The following MICAL2 variants were observed in gnomAD, a reference collection of about 807,000 sequenced individuals.
MICAL2 encodes the protein microtubule associated monooxygenase, calponin and LIM domain containing 2, also known as [F-actin]-monooxygenase MICAL2.
Under a neutral mutation model 127.3 loss-of-function variants are expected in MICAL2, and 77 were observed. That is an observed-to-expected ratio of 0.60 (90% CI 0.50 to 0.73). The LOEUF (loss-of-function observed/expected upper bound fraction) is 0.73, where lower values mean the gene tolerates loss of function less well. Among genes scored for constraint, MICAL2 ranks in the 30% least tolerant of loss-of-function variants. The probability of loss-of-function intolerance (pLI) is 0.00; values close to 1 mark genes in which losing one functional copy is unlikely to be tolerated. For synonymous variants in MICAL2, 570 were observed against 551.1 expected (o/e 1.03, Z -0.48); for missense variants, 1,351 against 1,434.4 (o/e 0.94, Z 0.94).
intron 26 of MICAL2, chr11:12,260,243 C>T (rs908067479): frequency 6.9e-7 from 1 of 1,441,586 alleles, no homozygotes; most frequent in Non-Finnish European, 9.1e-7. Context: ...TTGCAGTTTG[C>T]TCAGGCTCTG....
intron 10 of MICAL2, among the ~76,000 whole-genome samples, chr11:12,222,241 G>T (rs942495776): frequency 1.3e-5 from 2 of 152,154 alleles, no homozygotes; most frequent in Admixed American, 1.3e-4. Flanking sequence ...CAGGGCTGGC[G>T]GGCGGAGGCA....
intron 33 of MICAL2, chr11:12,354,717 G>T: frequency 7.4e-7 from 1 of 1,352,190 alleles, no homozygotes; most frequent in Admixed American, 1.8e-5. Flanking sequence ...ACTCTCAATG[G>T]GCTTATTCAT....
chr11:12,244,801 T>C (rs1452227607), intron 21 of MICAL2, among the ~76,000 whole-genome samples: 1 of 152,174 alleles, frequency 6.6e-6, no homozygotes, highest in Non-Finnish European at 1.5e-5. Flanking sequence ...TGACTTGAAC[T>C]TGGGGATAAA....
At chr11:12,273,719 C>A (rs555004263), upstream of MICAL2, among the ~76,000 whole-genome samples, 1 of 152,138 alleles carries the variant, frequency 6.6e-6, no homozygotes, top group African/African-American at 2.4e-5. Flanking sequence ...CATGGAGAAC[C>A]CAGGTGTTTA....
At chr11:12,252,042 G>A (rs1489573027) in intron 22 of MICAL2, among the ~76,000 whole-genome samples, 2 of 152,206 alleles carry the variant, frequency 1.3e-5, no homozygotes, top group Non-Finnish European at 2.9e-5. Flanking sequence ...TGCCAGTGGA[G>A]GCAGTCACAC....
At chr11:12,256,409 T>C (rs1862327660) in intron 23 of MICAL2, 1 of 171,536 alleles carries the variant, frequency 5.8e-6, no homozygotes, top group African/African-American at 2.4e-5. Context: ...CAGAACCAGG[T>C]GACACTTAAT....
In MICAL2 at chr11:12,306,943, G is replaced by A. The variant is rs1360474874; in HGVS notation, c.5212+12086G>A. Among the ~76,000 whole-genome samples the A allele has an allele frequency of 3.3e-5, 5 of 152,280 alleles. No individual in the cohort carries two copies. In the South Asian group the frequency reaches 8.3e-4, roughly 25 times the overall value. ...ATTAATGTACAGGTCTCTGTGTAGA[G>A]ACATGTTTCCATTTGCCTTAGCCAA... On this transcript the variant is annotated intron_variant, in intron 29 of 34. Coordinates refer to the MICAL2 transcript ENST00000646065.
At chr11:12,213,216 C>T (rs774487841) in intron 6 of MICAL2, 39 bp from the exon 7 acceptor site, 2 of 1,568,622 alleles carry the variant, frequency 1.3e-6, no homozygotes, top group Non-Finnish European at 1.7e-6. Flanking sequence ...CACACCAAAT[C>T]CAGAAGATAG....
At chr11:12,204,034 C>T (rs1854355521) in intron 3 of MICAL2, among the ~76,000 whole-genome samples, 1 of 152,200 alleles carries the variant, frequency 6.6e-6, no homozygotes, top group Non-Finnish European at 1.5e-5. Flanking sequence ...TACCTCTGCA[C>T]TCCTCACAGG....
chr11:12,332,075 G>T (rs191158365), intron 32 of MICAL2, among the ~76,000 whole-genome samples: 1 of 151,244 alleles, frequency 6.6e-6, no homozygotes, highest in Non-Finnish European at 1.5e-5. Context: ...CGCCACCACC[G>T]CCCCCAAAAA....
chr11:12,318,811 G>C (rs1014996953), intron 29 of MICAL2, among the ~76,000 whole-genome samples: 3 of 152,132 alleles, frequency 2.0e-5, no homozygotes, highest in African/African-American at 7.2e-5. Context: ...GTGGCACCTG[G>C]AAGACCTTAT....
chr11:12,242,604 G>A, intron 19 of MICAL2, 67 bp from the exon 20 acceptor site: 1 of 1,516,720 alleles, frequency 6.6e-7, no homozygotes, highest in Non-Finnish European at 9.1e-7. Flanking sequence ...CCCACTTCTT[G>A]GAAGCCAACT....
chr11:12,341,880 C>T lies in MICAL2; in HGVS notation c.5516-7958C>T, dbSNP rs776775049. On this transcript the variant is annotated intron_variant, in intron 32 of 34. Transcript: ENST00000646065. Reference sequence around the variant, plus strand: ...TTATTGACCTTTACATGCCAATCATCGTAGGGTAAGTAGGGACTAAGATTT... The same window carrying T: ...TTATTGACCTTTACATGCCAATCATTGTAGGGTAAGTAGGGACTAAGATTT... Among the ~76,000 whole-genome samples the T allele has an allele frequency of 3.3e-5, 5 of 152,012 alleles. No homozygotes were observed. The East Asian group carries it at 7.7e-4, about 23-fold the overall frequency.
intron 29 of MICAL2, among the ~76,000 whole-genome samples, chr11:12,313,676 A>T (rs986034172): frequency 2.0e-5 from 3 of 152,126 alleles, no homozygotes; most frequent in Admixed American, 1.3e-4. Context: ...CAAATTTATT[A>T]ATAGTGTTTA....
intron 3 of MICAL2, among the ~76,000 whole-genome samples, chr11:12,200,236 C>G (rs869281): frequency 0.78 from 119,429 of 152,180 alleles, 49,675 homozygotes; most frequent in Non-Finnish European, 0.92. Context: ...AGAAAGGACA[C>G]AGCTCATGGG....
In MICAL2 at chr11:12,162,238, C is replaced by G. The variant is rs964421576; in HGVS notation, c.83C>G (p.Thr28Ser). The change falls in exon 3 of 28, where the codon ACC becomes AGC. Residue 28 changes from threonine (T) to serine (S), a missense_variant. By Grantham distance (58) the Thr-to-Ser change is moderately conservative. Around this residue, in one of 2 missense-constraint regions of MICAL2, gnomAD observed 599 missense variants for 714.9 expected, o/e 0.84. Transcript: ENST00000683283. ...NFVQASTCKG[T>S]LQAFNILTRH... The stretch of plus-strand genomic sequence containing the variant: ...GTCCAGGCATCCACGTGCAAAGGTA[C>G]CCTCCAGGCCTTCAACATTCTCACA... 7.4e-6 allele frequency: 12 copies of G among 1,614,078 alleles called. No individual in the cohort carries two copies. Among genetic ancestry groups the G allele is most frequent in the Non-Finnish European group, 1.0e-5 (12 of 1,180,038 alleles).
chr11:12,314,060 T>C (rs146394922), intron 29 of MICAL2, among the ~76,000 whole-genome samples: 3 of 150,848 alleles, frequency 2.0e-5, no homozygotes, highest in African/African-American at 2.4e-5. Context: ...AATGTTACTG[T>C]ATTATTATAT....
chr11:12,160,776 T>G (rs542374859), intron 2 of MICAL2, among the ~76,000 whole-genome samples: 1 of 152,386 alleles, frequency 6.6e-6, no homozygotes, highest in South Asian at 2.1e-4. Flanking sequence ...GTAATCCATC[T>G]GCCCCTGTGG....
At chr11:12,252,185 C>T (rs1379288142) in intron 22 of MICAL2, among the ~76,000 whole-genome samples, 1 of 152,226 alleles carries the variant, frequency 6.6e-6, no homozygotes, top group Admixed American at 6.5e-5. Context: ...GGGGATGGAA[C>T]ATCAGGCAAA....
Sources: gnomAD v4.1 joint callset for allele counts (sites outside exome capture counted in the v4.1 genomes callset) on GRCh38, gnomAD v4.1.1 for gene constraint, gnomAD v4.1.1 regional missense constraint, MANE v1.5 for transcripts, NCBI Gene and HGNC (gene_info 2026-07-23, HGNC 2026-07-21) for gene names.